Variants in SQOR observed in about 807,000 individuals in gnomAD.
The protein encoded by SQOR is sulfide quinone oxidoreductase, also known as sulfide:quinone oxidoreductase, mitochondrial.
SQOR carries 39 observed loss-of-function variants against 48.6 expected under a neutral mutation model. The observed-to-expected ratio is 0.80, with a 90% CI of 0.62 to 1.05. The LOEUF (loss-of-function observed/expected upper bound fraction) is 1.05. Ranked by LOEUF, SQOR falls within the 50% of genes least tolerant of loss-of-function variation. The pLI is 0.00. For synonymous variants in SQOR, 220 were observed against 206.2 expected, an observed-to-expected ratio of 1.07 and a Z score of -0.57; for missense variants, 561 against 559.9, an observed-to-expected ratio of 1.00 and a Z score of -0.02.
chr15:45,659,028 G>A lies in SQOR; in HGVS notation c.105G>A (p.Gly35=), dbSNP rs1388773279. The A allele has an allele frequency of 1.3e-5, 21 of 1,602,208 alleles. No individual in the cohort carries two copies. The highest frequency in any genetic ancestry group is 1.7e-5 in the Non-Finnish European group (20 of 1,174,686). Residue 35 remains glycine (G), a synonymous_variant, in exon 2 of 10, where the codon GGG becomes GGA. Transcript: ENST00000260324. ...TCGGCCCCCTTCAGCTGCACACCGG[G>A]GCCAGCCATGCGGCCAGGAACCATT... ...QQVGPLQLHT[G]ASHAARNHYE...
intron 1 of SQOR, among the ~76,000 whole-genome samples, chr15:45,650,791 C>A (rs1246223095): frequency 1.3e-5 from 2 of 152,134 alleles, no homozygotes; most frequent in Admixed American, 1.3e-4. Flanking sequence ...ACACAGAGTG[C>A]TGATTGGTGT....
Position 45,676,329 on chromosome 15 carries a change from C to G in SQOR, c.864+19C>G, listed in dbSNP as rs778065327. 1 of 1,612,332 alleles carries G rather than the reference C, an allele frequency of 6.2e-7. No individual in the cohort carries two copies. The highest frequency in any genetic ancestry group is 1.1e-5 in the South Asian group (1 of 90,956). ...GATTTCAGTGAGTGGTGAGGCTAAGCTGTCAGCATGAAGCGTTGTCTGCTG... is the reference window on the plus strand; with the variant it reads ...GATTTCAGTGAGTGGTGAGGCTAAGGTGTCAGCATGAAGCGTTGTCTGCTG... On this transcript the variant is annotated intron_variant, in intron 6 of 9. Transcript: ENST00000260324.
intron 7 of SQOR, among the ~76,000 whole-genome samples, chr15:45,686,926 C>T (rs1213577214): frequency 1.3e-5 from 2 of 152,150 alleles, no homozygotes; most frequent in African/African-American, 4.8e-5. Context: ...TCTTGTGCCT[C>T]AGCCTCCTGA....
upstream of SQOR, among the ~76,000 whole-genome samples, chr15:45,633,593 C>G (rs1894937759): frequency 6.6e-6 from 1 of 150,626 alleles, no homozygotes; most frequent in African/African-American, 2.4e-5. Context: ...ACTCGGGAGG[C>G]TGAGGCAGGA....
intron 6 of SQOR, among the ~76,000 whole-genome samples, chr15:45,681,225 G>C (rs1566923101): frequency 6.6e-6 from 1 of 152,204 alleles, no homozygotes; most frequent in African/African-American, 2.4e-5. Context: ...GTTGACTGCA[G>C]AAATGCAGAC....
At chr15:45,659,963 C>A (rs1409064980) in intron 2 of SQOR, among the ~76,000 whole-genome samples, 1 of 152,148 alleles carries the variant, frequency 6.6e-6, no homozygotes, top group African/African-American at 2.4e-5. Context: ...AGTTGGGGAG[C>A]AGGAAGGCCT....
intron 1 of SQOR, among the ~76,000 whole-genome samples, chr15:45,658,491 A>C (rs1036864473): frequency 3.3e-5 from 5 of 152,232 alleles, no homozygotes; most frequent in African/African-American, 1.2e-4. Context: ...CTCGTATATC[A>C]GTTTTAATGG....
At chr15:45,678,320 T>G (rs926433280) in intron 6 of SQOR, among the ~76,000 whole-genome samples, 5 of 152,240 alleles carry the variant, frequency 3.3e-5, no homozygotes, top group Non-Finnish European at 7.3e-5. Flanking sequence ...AATGGTGATT[T>G]GCTAACTGTG....
At chr15:45,655,965 G>A (rs927658052) in intron 1 of SQOR, among the ~76,000 whole-genome samples, 3 of 151,426 alleles carry the variant, frequency 2.0e-5, no homozygotes, top group Non-Finnish European at 4.4e-5. Context: ...GATTACAGGC[G>A]TGAGCCACCG....
intron 6 of SQOR, among the ~76,000 whole-genome samples, chr15:45,677,177 T>TCTTC (rs146339178): frequency 2.5e-4 from 38 of 152,048 alleles, no homozygotes; most frequent in South Asian, 6.2e-4. Context: ...TCATTTGATT[T>TCTTC]CTTCCTTCCT....
At chr15:45,652,952 C>T (rs974054738) in intron 1 of SQOR, among the ~76,000 whole-genome samples, 1 of 151,058 alleles carries the variant, frequency 6.6e-6, no homozygotes, top group Non-Finnish European at 1.5e-5. Flanking sequence ...GAGCAAGATT[C>T]CGCCTCAAAA....
chr15:45,665,245 T>G (rs948854440), intron 3 of SQOR, among the ~76,000 whole-genome samples: 6 of 152,198 alleles, frequency 3.9e-5, no homozygotes, highest in Admixed American at 6.5e-5. Flanking sequence ...TAGTGTCTTG[T>G]TTTAGGGCAG....
chr15:45,684,410 T>G (rs1890184309), intron 7 of SQOR, among the ~76,000 whole-genome samples: 1 of 152,174 alleles, frequency 6.6e-6, no homozygotes, highest in South Asian at 2.1e-4. Context: ...AGTTACCTTG[T>G]AGAATACCCC....
At position 45,684,592 on chromosome 15, in the gene SQOR, TTCTCTC is replaced by T. The variant is rs66499038; in HGVS notation, c.1048+1947_1048+1952del. On this transcript the variant is annotated intron_variant, in intron 7 of 9. Coordinates refer to ENST00000260324, the MANE Select transcript of SQOR (RefSeq NM_021199.4). ...GACTTCCTCACTGGGTTAAGGGGTG[TTCTCTC>T]TCTCTCTCTCTCTCTTTTTTTTTCA... Among the ~76,000 whole-genome samples, 104 of 150,188 alleles carry T rather than the reference TTCTCTC, an allele frequency of 6.9e-4. 3 individuals are homozygous for T. The East Asian group carries it at 0.02, about 28-fold the overall frequency.
chr15:45,662,077 T>G lies in SQOR; in HGVS notation c.357T>G (p.Thr119=), dbSNP rs1369008798. ...TAGAATGGATCAAAGCTAGAGTGAC[T>G]GAGTTGAACCCAGACAAGAACTGCA... is the stretch of plus-strand genomic sequence containing the variant. ...SGVEWIKARV[T]ELNPDKNCIH... The change falls in exon 3 of 10, where the codon ACT becomes ACG. Residue 119 remains threonine (T), a synonymous_variant. Coordinates refer to ENST00000260324, the MANE Select transcript of SQOR (RefSeq NM_021199.4). 1.2e-6 allele frequency: 2 copies of G among 1,614,096 alleles called. No individual in the cohort carries two copies. The highest frequency in any genetic ancestry group is 2.7e-5 in the African/African-American group (2 of 74,934).
chr15:45,636,750 G>A (rs1895013966), intron 1 of SQOR, among the ~76,000 whole-genome samples: 1 of 152,110 alleles, frequency 6.6e-6, no homozygotes, highest in Admixed American at 6.6e-5. Flanking sequence ...TGCCAATACT[G>A]CTGTGGTTTG....
In SQOR at chr15:45,682,460, TTC is replaced by T. The variant is rs761813609; in HGVS notation, c.865-12_865-11del. The T allele has an allele frequency of 6.2e-6, 10 of 1,612,592 alleles. No individual in the cohort carries two copies. Among genetic ancestry groups the T allele is most frequent in the African/African-American group, 1.3e-5 (1 of 74,872 alleles). Reference sequence around the variant, plus strand: ...AATATTGAATAAATGAAAATGTGGATTCTCTCTTTGTGTGTAGTATGAAATGC... The same window carrying T: ...AATATTGAATAAATGAAAATGTGGATTCTCTTTGTGTGTAGTATGAAATGC... On this transcript the variant is annotated splice_polypyrimidine_tract_variant and intron_variant, in intron 6 of 9. Transcript: ENST00000260324.
chr15:45,684,916 C>G (rs1198458502), intron 7 of SQOR, among the ~76,000 whole-genome samples: 2 of 152,294 alleles, frequency 1.3e-5, no homozygotes, highest in South Asian at 2.1e-4. Flanking sequence ...GGGAGCATCC[C>G]CATTGTTTTT....
intron 2 of SQOR, 50 bp downstream of exon 2, chr15:45,659,207 TGTGA>T (rs1304527195): frequency 2.9e-5 from 40 of 1,364,300 alleles, no homozygotes; most frequent in Non-Finnish European, 3.4e-5. Flanking sequence ...TGTGTGTGTG[TGTGA>T]GTGTGTGTGT....
Sources: gnomAD v4.1 joint callset for allele counts (sites outside exome capture counted in the v4.1 genomes callset) on GRCh38, gnomAD v4.1.1 for gene constraint, MANE v1.5 for transcripts, NCBI Gene and HGNC (gene_info 2026-07-23, HGNC 2026-07-21) for gene names.